The following LCP1 variants were observed in gnomAD, a reference collection of about 807,000 sequenced individuals.
The protein encoded by LCP1 is lymphocyte cytosolic protein 1.
A neutral mutation model predicts 72.0 loss-of-function variants in LCP1; 23 were observed. The ratio of observed to expected loss-of-function variants is 0.32; its 90% CI spans 0.23 to 0.45. LCP1 has a LOEUF of 0.45. Among genes scored for constraint, LCP1 ranks in the 20% least tolerant of loss-of-function variants. The pLI, the probability that LCP1 is intolerant of heterozygous loss-of-function variation, is 1.00. For synonymous variants in LCP1, 245 were observed against 275.4 expected, an observed-to-expected ratio of 0.89 and a Z score of 1.09; for missense variants, 571 against 748.3, an observed-to-expected ratio of 0.76 and a Z score of 2.76.
intron 10 of LCP1, among the ~76,000 whole-genome samples, chr13:46,145,713 TC>T (rs1433572776): frequency 1.3e-5 from 1 of 79,784 alleles, no homozygotes; most frequent in Non-Finnish European, 2.5e-5. Flanking sequence ...ATCGAGACCA[TC>T]CCGGCTAAAA....
chr13:46,158,858 C>T lies in LCP1; in HGVS notation c.196G>A (p.Asp66Asn). The T allele has an allele frequency of 1.2e-6, 2 of 1,614,176 alleles. No homozygotes were observed. Among genetic ancestry groups the T allele is most frequent in the Non-Finnish European group, 1.7e-6 (2 of 1,180,038 alleles). Residue 66 changes from aspartate (D) to asparagine (N), a missense_variant, in exon 3 of 16, where the codon GAT (aspartate) becomes AAT (asparagine). By Grantham distance (23) the Asp-to-Asn change is conservative. Coordinates refer to ENST00000323076, the MANE Select transcript of LCP1 (RefSeq NM_002298.5). ...AACTCATCAAAGCTGATCCTTCCAT[C>T]TTGGTCCAGATCACCTGTAGCCATC... ...NLMATGDLDQDGRISFDEFIK... is the reference protein window; with the variant it reads ...NLMATGDLDQNGRISFDEFIK...
rs1437749127 is a variant in LCP1, at chr13:46,156,465, T to C, written c.464A>G (p.Asn155Ser). The C allele has an allele frequency of 5.6e-6, 9 of 1,614,194 alleles. No individual in the cohort carries two copies. Among genetic ancestry groups the C allele is most frequent in the Non-Finnish European group, 7.6e-6 (9 of 1,180,018 alleles). ...AAGGACAATGCCATCTCCAACAGCA[T>C]TAAAGAGATCATTCGTGTTTGGGTT... ...PMNPNTNDLF[N>S]AVGDGIVLCK... Residue 155 changes from asparagine to serine, a missense_variant, in exon 5 of 16, where the codon AAT becomes AGT. By Grantham distance (46) the Asn-to-Ser change is conservative. Transcript: ENST00000323076.
intron 13 of LCP1, among the ~76,000 whole-genome samples, chr13:46,134,669 A>T (rs569883112): frequency 1.4e-4 from 21 of 152,216 alleles, no homozygotes; most frequent in Non-Finnish European, 3.1e-4. Flanking sequence ...TTTGCCTTAT[A>T]TAAGTAAAAA....
At chr13:46,135,193 GA>G (rs1344279488) in intron 13 of LCP1, among the ~76,000 whole-genome samples, 1 of 151,854 alleles carries the variant, frequency 6.6e-6, no homozygotes, top group East Asian at 1.9e-4. Context: ...ACTCACTTCT[GA>G]AAGGGAAATG....
intron 1 of LCP1, among the ~76,000 whole-genome samples, chr13:46,174,834 CAAAAAAA>C (rs398056355): frequency 4.1e-4 from 34 of 82,312 alleles, no homozygotes; most frequent in Non-Finnish European, 5.0e-4. Context: ...ACTCCATCTT[CAAAAAAA>C]AAAAAAAAAA....
chr13:46,161,862 G>A (rs1362561019), intron 1 of LCP1, among the ~76,000 whole-genome samples: 3 of 152,118 alleles, frequency 2.0e-5, no homozygotes, highest in Non-Finnish European at 4.4e-5. Context: ...AAGTATCATC[G>A]GTTATACAAT....
chr13:46,137,503 G>A (rs2045672124), intron 13 of LCP1, among the ~76,000 whole-genome samples: 1 of 152,090 alleles, frequency 6.6e-6, no homozygotes, highest in Non-Finnish European at 1.5e-5. Flanking sequence ...TCGCACCATT[G>A]CACTCCAGCC....
chr13:46,143,188 A>C (rs2045708529), intron 12 of LCP1, 102 bp downstream of exon 12: 1 of 698,400 alleles, frequency 1.4e-6, no homozygotes, highest in Admixed American at 2.9e-5. Context: ...TTCTGGAAAA[A>C]CATTACTTGT....
chr13:46,128,667 C>T (rs2045616247), intron 15 of LCP1, among the ~76,000 whole-genome samples: 1 of 152,100 alleles, frequency 6.6e-6, no homozygotes, highest in African/African-American at 2.4e-5. Flanking sequence ...TTCTTGCCCA[C>T]ATATATTTGT....
chr13:46,148,468 C>T (rs1470365814), intron 8 of LCP1, 21 bp from the exon 9 acceptor site: 1 of 1,498,462 alleles, frequency 6.7e-7, no homozygotes, highest in Non-Finnish European at 9.2e-7. Flanking sequence ...TTAAGAAATT[C>T]CAATTTCAAA....
intron 14 of LCP1, among the ~76,000 whole-genome samples, chr13:46,131,508 A>G (rs1212246041): frequency 2.6e-5 from 4 of 152,204 alleles, no homozygotes; most frequent in African/African-American, 7.2e-5. Context: ...TATTGGGTAC[A>G]TACTCAAAGG....
At chr13:46,134,040 C>T in intron 14 of LCP1, 87 bp downstream of exon 14, 1 of 1,374,296 alleles carries the variant, frequency 7.3e-7, no homozygotes, top group Non-Finnish European at 1.0e-6. Flanking sequence ...TAATACCTAC[C>T]ACTGAAGGTC....
chr13:46,127,412 A>C lies in LCP1; in HGVS notation c.*179T>G. 1 of 640,000 alleles carries C rather than the reference A, an allele frequency of 1.6e-6. No individual in the cohort carries two copies. Among genetic ancestry groups the C allele is most frequent in the Non-Finnish European group, 2.6e-6 (1 of 389,536 alleles). The allele number at this position is 640,000 out of a possible 1,614,324, so 39.6% of individuals were successfully genotyped here. On this transcript the variant is annotated 3_prime_UTR_variant, in exon 16 of 16. Coordinates refer to ENST00000323076, the MANE Select transcript of LCP1 (RefSeq NM_002298.5). Reference sequence around the variant, plus strand: ...ATATAGGAGGTTGGGCCTCCTGCAAAGAATGAAGCACTTTTTGTTAAATAC... The same window carrying C: ...ATATAGGAGGTTGGGCCTCCTGCAACGAATGAAGCACTTTTTGTTAAATAC...
chr13:46,148,223 C>T lies in LCP1; in HGVS notation c.978+129G>A, dbSNP rs117171283. 7.8e-3 allele frequency: 4,926 copies of T among 634,580 alleles called. 53 individuals carry two copies. The highest frequency in any genetic ancestry group is 0.033 in the Admixed American group (1,333 of 40,398). 39.3% of individuals were successfully genotyped at this position (634,580 alleles called of 1,614,324 possible). A position where few individuals can be genotyped will look rare whatever the true frequency, so the allele number is the denominator to read the frequency against. On this transcript the variant is annotated intron_variant, in intron 9 of 15. Coordinates refer to ENST00000323076, the MANE Select transcript of LCP1 (RefSeq NM_002298.5). ...TATCCCAAACTGCTCACAGTTTTAC[C>T]GTTTTAACAGGGCTTTAGGCAGAAA...
At position 46,178,235 on chromosome 13, in the gene LCP1, C is replaced by T. The variant is rs556742506; in HGVS notation, c.-25+3876G>A. 1.8e-4 allele frequency among the ~76,000 whole-genome samples: 27 copies of T among 152,134 alleles called. No individual in the cohort carries two copies. In the South Asian group the frequency reaches 5.6e-3, roughly 32 times the overall value. On this transcript the variant is annotated intron_variant, in intron 1 of 15. Coordinates refer to ENST00000323076, the MANE Select transcript of LCP1 (RefSeq NM_002298.5). Reference sequence around the variant, plus strand: ...ACACCTGATTCAATGTAAGTATTAACGTTATTATTAGGATGATTAATTGAA... The same window carrying T: ...ACACCTGATTCAATGTAAGTATTAATGTTATTATTAGGATGATTAATTGAA...
At chr13:46,168,129 A>T (rs1566445396) in intron 1 of LCP1, among the ~76,000 whole-genome samples, 1 of 152,206 alleles carries the variant, frequency 6.6e-6, no homozygotes. Context: ...AAATAGAAGG[A>T]AGTGCCAAGC....
At chr13:46,172,759 C>T (rs1279663378) in intron 1 of LCP1, among the ~76,000 whole-genome samples, 2 of 143,888 alleles carry the variant, frequency 1.4e-5, no homozygotes, top group African/African-American at 5.3e-5. Flanking sequence ...TGCCCGGAAA[C>T]CATTTTGGTT....
At chr13:46,147,125 CAG>C in intron 9 of LCP1, 22 bp from the exon 10 acceptor site, 1 of 1,551,766 alleles carries the variant, frequency 6.4e-7, no homozygotes, top group Non-Finnish European at 8.7e-7. Context: ...AAGGATGTCT[CAG>C]GGCTGGGTCA....
At chr13:46,140,979 T>C (rs1186773612) in intron 13 of LCP1, among the ~76,000 whole-genome samples, 1 of 152,128 alleles carries the variant, frequency 6.6e-6, no homozygotes, top group Non-Finnish European at 1.5e-5. Flanking sequence ...CAAATATACA[T>C]GGACTTGGAA....
Sources: allele counts gnomAD v4.1 joint callset (sites outside exome capture counted in the v4.1 genomes callset), GRCh38; gene constraint gnomAD v4.1.1; transcripts MANE v1.5; gene names NCBI Gene and HGNC (gene_info 2026-07-23, HGNC 2026-07-21).